Variants in PDE1C observed in about 807,000 individuals in gnomAD.
PDE1C encodes the protein dual specificity calcium/calmodulin-dependent 3',5'-cyclic nucleotide phosphodiesterase 1C.
PDE1C carries 62 observed loss-of-function variants against 93.1 expected under a neutral mutation model. The observed-to-expected ratio is 0.67, with a 90% CI of 0.54 to 0.82. The LOEUF is 0.82. Ranked by LOEUF, PDE1C falls within the 40% of genes least tolerant of loss-of-function variation. PDE1C has a pLI of 0.00. For synonymous variants in PDE1C, 325 were observed against 310.1 expected, an observed-to-expected ratio of 1.05 and a Z score of -0.50; for missense variants, 742 against 884.6, an observed-to-expected ratio of 0.84 and a Z score of 2.04.
intron 3 of PDE1C, among the ~76,000 whole-genome samples, chr7:32,114,035 G>A (rs149627063): frequency 6.1e-4 from 93 of 152,188 alleles, no homozygotes; most frequent in East Asian, 3.1e-3. Flanking sequence ...AATAAATATC[G>A]TGAAAATGGC....
intron 2 of PDE1C, among the ~76,000 whole-genome samples, chr7:31,885,548 G>A (rs1005648474): frequency 1.3e-5 from 2 of 152,208 alleles, no homozygotes; most frequent in Non-Finnish European, 2.9e-5. Context: ...TGTGCCCTCA[G>A]ATCCAGAGCG....
chr7:31,891,460 C>A (rs1798624817), intron 2 of PDE1C, among the ~76,000 whole-genome samples: 1 of 152,132 alleles, frequency 6.6e-6, no homozygotes, highest in Non-Finnish European at 1.5e-5. Context: ...AAGATACTTT[C>A]TAACTTTAAA....
intron 1 of PDE1C, among the ~76,000 whole-genome samples, chr7:32,275,794 A>C (rs137888125): frequency 6.6e-6 from 1 of 152,260 alleles, no homozygotes; most frequent in Non-Finnish European, 1.5e-5. Flanking sequence ...ACACTCCCAA[A>C]CCCCACGACC....
upstream of PDE1C, chr7:32,070,450 C>G: frequency 6.3e-7 from 1 of 1,596,780 alleles, no homozygotes; most frequent in Non-Finnish European, 8.5e-7. Context: ...CTGTCCCCTC[C>G]CCGTCTCCTC....
chr7:32,258,801 T>C (rs1433336556), intron 1 of PDE1C, among the ~76,000 whole-genome samples: 2 of 152,194 alleles, frequency 1.3e-5, no homozygotes, highest in Non-Finnish European at 2.9e-5. Flanking sequence ...TACCCAAGGG[T>C]ATCTTTCTTC....
At chr7:31,688,262 G>A in the PDE1C span, among the ~76,000 whole-genome samples, 4 of 152,200 alleles carry the variant, frequency 2.6e-5, no homozygotes, top group Non-Finnish European at 1.5e-5. Flanking sequence ...TGAGAGAACA[G>A]ATAACTGTCC....
chr7:32,422,701 A>G (rs1785457304), intron 1 of PDE1C, among the ~76,000 whole-genome samples: 1 of 152,180 alleles, frequency 6.6e-6, no homozygotes, highest in African/African-American at 2.4e-5. Context: ...ACCAATCTTT[A>G]AAATCACAAA....
the PDE1C span, among the ~76,000 whole-genome samples, chr7:31,639,194 C>T: frequency 6.6e-6 from 1 of 152,186 alleles, no homozygotes; most frequent in African/African-American, 2.4e-5. Context: ...GCTTTCCCTC[C>T]TCTTTGGGAT....
chr7:31,651,041 C>T, the PDE1C span: 16 of 1,383,562 alleles, frequency 1.2e-5, no homozygotes, highest in Admixed American at 1.1e-4. Flanking sequence ...GGCCTGTTTG[C>T]GAAAAAAGGG....
intron 1 of PDE1C, among the ~76,000 whole-genome samples, chr7:32,358,526 A>G (rs536779606): frequency 1.3e-4 from 20 of 152,192 alleles, no homozygotes; most frequent in African/African-American, 4.8e-4. Context: ...CTGTAAAGAG[A>G]CTAGACAGCG....
chr7:31,824,599 A>C (rs995793355), intron 13 of PDE1C, among the ~76,000 whole-genome samples: 3 of 152,050 alleles, frequency 2.0e-5, no homozygotes, highest in Non-Finnish European at 4.4e-5. Context: ...CAGCAGGTAA[A>C]CATGCAGCAA....
At chr7:31,760,045 T>C (rs1794733383) in intron 17 of PDE1C, among the ~76,000 whole-genome samples, 2 of 152,190 alleles carry the variant, frequency 1.3e-5, no homozygotes, top group African/African-American at 4.8e-5. Context: ...TTTATATTAG[T>C]CTACTGGAAA....
the PDE1C span, among the ~76,000 whole-genome samples, chr7:31,672,694 T>C: frequency 6.6e-6 from 1 of 152,206 alleles, no homozygotes; most frequent in Non-Finnish European, 1.5e-5. Context: ...CATTCAGAGC[T>C]TGCCATAGCA....
the PDE1C span, chr7:31,642,859 G>T: frequency 6.2e-7 from 1 of 1,614,038 alleles, no homozygotes; most frequent in East Asian, 2.2e-5. Context: ...GGAACAAAGG[G>T]CCTCAGTATC....
At chr7:31,845,360 G>A (rs1334208674) in intron 9 of PDE1C, among the ~76,000 whole-genome samples, 1 of 152,118 alleles carries the variant, frequency 6.6e-6, no homozygotes, top group Non-Finnish European at 1.5e-5. Context: ...GATATAAGTT[G>A]TAGGGAATCT....
At chr7:31,693,590 T>C in the PDE1C span, among the ~76,000 whole-genome samples, 7 of 152,180 alleles carry the variant, frequency 4.6e-5, no homozygotes, top group African/African-American at 1.4e-4. Context: ...AGACTTAGCA[T>C]GAGAACTCAA....
At chr7:32,137,149 C>A (rs1341980615) in intron 3 of PDE1C, among the ~76,000 whole-genome samples, 1 of 152,154 alleles carries the variant, frequency 6.6e-6, no homozygotes. Context: ...TCAATAAAGA[C>A]CCTACACAAT....
rs1246158045 is a variant in PDE1C at position 32,350,572 on chromosome 7, ATATATATATATATATATAT to A, written c.310+77231_310+77249del. ...AATATATATATATATATATATATAT[ATATATATATATATATATAT>A]TTTTTTTTTTTTTTTTATTATACTC... On this transcript the variant is annotated intron_variant, in intron 1 of 1. Transcript: ENST00000672256. Among the ~76,000 whole-genome samples, 205 of 3,234 alleles carry A rather than the reference ATATATATATATATATATAT, an allele frequency of 0.063. 74 individuals are homozygous for A. In the East Asian group the frequency reaches 0.75, roughly 12 times the overall value. 2.1% of individuals were successfully genotyped at this position (3,234 alleles called of 152,430 possible). A position where few individuals can be genotyped will look rare whatever the true frequency, so the allele number is the denominator to read the frequency against.
At chr7:32,274,746 A>G (rs1197084016) in intron 1 of PDE1C, among the ~76,000 whole-genome samples, 1 of 152,180 alleles carries the variant, frequency 6.6e-6, no homozygotes, top group African/African-American at 2.4e-5. Context: ...TCACCCTGCA[A>G]TCTCAGGATA....
Sources: allele counts gnomAD v4.1 joint callset (sites outside exome capture counted in the v4.1 genomes callset), GRCh38; gene constraint gnomAD v4.1.1; transcripts MANE v1.5; gene names NCBI Gene and HGNC (gene_info 2026-07-23, HGNC 2026-07-21).